The following PDE4D variants were observed in gnomAD, a reference collection of about 807,000 sequenced individuals.
PDE4D encodes the protein 3',5'-cyclic-AMP phosphodiesterase 4D.
A neutral mutation model predicts 87.4 loss-of-function variants in PDE4D; 24 were observed. That is an observed-to-expected ratio of 0.27 (90% confidence interval 0.20 to 0.39). The LOEUF (loss-of-function observed/expected upper bound fraction) is 0.39. PDE4D is among the 10% of genes least tolerant of loss of function. The pLI is 1.00. For missense variants in PDE4D, 714 were observed against 1,041.0 expected (o/e 0.69, Z 4.32); for synonymous variants, 384 against 383.2 (o/e 1.00, Z -0.02).
chr5:60,246,330 TTTTAA>T (rs1378918191), intron 1 of PDE4D, among the ~76,000 whole-genome samples: 1 of 151,776 alleles, frequency 6.6e-6, no homozygotes, highest in East Asian at 1.9e-4. Flanking sequence ...TTTTGTTGTC[TTTTAA>T]TTTAAATTAT....
At chr5:60,196,087 A>G (rs928567932) in intron 1 of PDE4D, among the ~76,000 whole-genome samples, 12 of 151,706 alleles carry the variant, frequency 7.9e-5, no homozygotes, top group African/African-American at 2.7e-4. Context: ...ATTTCAGCAC[A>G]AATTTATTAC....
chr5:59,340,956 G>C (rs1001156471), intron 1 of PDE4D, among the ~76,000 whole-genome samples: 3 of 152,040 alleles, frequency 2.0e-5, no homozygotes, highest in Non-Finnish European at 2.9e-5. Flanking sequence ...ATACAACCAG[G>C]TGAAATTAAT....
chr5:59,006,298 C>A (rs1350650134), intron 6 of PDE4D, among the ~76,000 whole-genome samples: 1 of 152,212 alleles, frequency 6.6e-6, no homozygotes, highest in Admixed American at 6.5e-5. Flanking sequence ...GGTGAAGTGC[C>A]TCATGCCTGT....
rs1561585442 is a variant in PDE4D, at chr5:59,156,334, T to TAC, written c.808+24260_808+24261insGT. On this transcript the variant is annotated intron_variant, in intron 5 of 14. Coordinates refer to ENST00000340635, the MANE Select transcript of PDE4D (RefSeq NM_001104631.2). ...GAAAAAAAAAAAATATATATATATG[T>TAC]GTGTGTGTGTGTGTGTGTGTGTGTG... Among the ~76,000 whole-genome samples, 109 of 91,532 alleles carry TAC rather than the reference T, an allele frequency of 1.2e-3. 3 individuals carry two copies. The highest frequency in any genetic ancestry group is 2.4e-3 in the Non-Finnish European group (101 of 42,402). 60.0% of individuals were successfully genotyped at this position (91,532 alleles called of 152,430 possible). A position where few individuals can be genotyped will look rare whatever the true frequency, so the allele number is the denominator to read the frequency against.
intron 1 of PDE4D, among the ~76,000 whole-genome samples, chr5:59,809,134 C>G (rs918293083): frequency 1.3e-5 from 2 of 152,174 alleles, no homozygotes; most frequent in Non-Finnish European, 2.9e-5. Flanking sequence ...TAGTTGGCGC[C>G]TCTAACATAG....
chr5:59,972,002 G>A, intron 3 of PDE4D, among the ~76,000 whole-genome samples: 1 of 152,166 alleles, frequency 6.6e-6, no homozygotes, highest in Non-Finnish European at 1.5e-5. Flanking sequence ...GTCTGCCTGG[G>A]ACCCTATTCC....
At chr5:60,137,660 T>G in intron 2 of PDE4D, among the ~76,000 whole-genome samples, 1 of 152,212 alleles carries the variant, frequency 6.6e-6, no homozygotes, top group East Asian at 1.9e-4. Context: ...TAAATTTATT[T>G]AAGTTCCTTA....
intron 1 of PDE4D, among the ~76,000 whole-genome samples, chr5:59,850,707 C>T (rs1164479845): frequency 2.0e-5 from 3 of 151,726 alleles, no homozygotes; most frequent in African/African-American, 4.8e-5. Context: ...GGGTTATAAC[C>T]GTGGGAGGAG....
At chr5:59,522,999 C>A (rs1052202450) in intron 1 of PDE4D, among the ~76,000 whole-genome samples, 1 of 152,214 alleles carries the variant, frequency 6.6e-6, no homozygotes, top group Non-Finnish European at 1.5e-5. Context: ...AGTCCCTGCT[C>A]AATTAGCTTA....
chr5:59,286,551 TG>T (rs750259741), intron 1 of PDE4D, among the ~76,000 whole-genome samples: 2 of 152,222 alleles, frequency 1.3e-5, no homozygotes, highest in African/African-American at 4.8e-5. Context: ...ACTCTGGACA[TG>T]GTTTTTTTGT....
At chr5:60,212,391 A>G (rs1743329893) in intron 1 of PDE4D, among the ~76,000 whole-genome samples, 1 of 152,160 alleles carries the variant, frequency 6.6e-6, no homozygotes, top group African/African-American at 2.4e-5. Flanking sequence ...GATTTAGCCA[A>G]TTGGAGCACT....
At chr5:60,458,742 G>GCA (rs1266739057) in intron 1 of PDE4D, among the ~76,000 whole-genome samples, 1 of 143,628 alleles carries the variant, frequency 7.0e-6, no homozygotes. Flanking sequence ...TAATGAGTGA[G>GCA]CACACGCACC....
chr5:59,933,002 T>A (rs1269926561), intron 3 of PDE4D, among the ~76,000 whole-genome samples: 1 of 152,132 alleles, frequency 6.6e-6, no homozygotes, highest in Non-Finnish European at 1.5e-5. Context: ...TCTGGAGCCA[T>A]ACCAAAACAC....
intron 1 of PDE4D, among the ~76,000 whole-genome samples, chr5:60,359,464 C>T (rs968540018): frequency 1.6e-4 from 25 of 151,854 alleles, no homozygotes; most frequent in Non-Finnish European, 3.5e-4. Context: ...GAACAAGGCA[C>T]CTTGGAAAAA....
chr5:60,507,199 T>C (rs1470882579), intron 1 of PDE4D, among the ~76,000 whole-genome samples: 2 of 151,952 alleles, frequency 1.3e-5, no homozygotes, highest in African/African-American at 4.8e-5. Context: ...CTCAGCCTCC[T>C]GAGTAGCTGG....
At chr5:59,528,525 T>C (rs958522209) in intron 1 of PDE4D, among the ~76,000 whole-genome samples, 2 of 152,078 alleles carry the variant, frequency 1.3e-5, no homozygotes, top group Non-Finnish European at 2.9e-5. Flanking sequence ...AACGATACGA[T>C]GTGGCAGCCA....
intron 2 of PDE4D, among the ~76,000 whole-genome samples, chr5:60,081,451 T>C (rs112695449): frequency 0.04 from 6,048 of 152,150 alleles, 344 homozygotes; most frequent in African/African-American, 0.12. Flanking sequence ...TAGTTTGCTC[T>C]TGCCTCTCTA....
chr5:59,524,406 G>A (rs112705572), intron 1 of PDE4D, among the ~76,000 whole-genome samples: 28,402 of 152,180 alleles, frequency 0.19, 3,290 homozygotes, highest in Non-Finnish European at 0.26. Context: ...TTAGCAAAGA[G>A]GCTGGTGGCA....
At chr5:59,547,438 A>T (rs1477791429) in intron 1 of PDE4D, among the ~76,000 whole-genome samples, 1 of 152,058 alleles carries the variant, frequency 6.6e-6, no homozygotes, top group Non-Finnish European at 1.5e-5. Context: ...GCCTATATGA[A>T]TGTCATAATA....
Sources: allele counts gnomAD v4.1 joint callset (sites outside exome capture counted in the v4.1 genomes callset), GRCh38; gene constraint gnomAD v4.1.1; transcripts MANE v1.5; gene names NCBI Gene and HGNC (gene_info 2026-07-23, HGNC 2026-07-21).